FANCD2: variants seen among roughly 807,000 people sequenced by gnomAD.
FANCD2 encodes FA complementation group D2.
In FANCD2, 131 loss-of-function variants were observed where a neutral mutation model predicts 192.3. The ratio of observed to expected loss-of-function variants is 0.68; its 90% CI spans 0.59 to 0.79. The LOEUF (loss-of-function observed/expected upper bound fraction) is 0.79. FANCD2 is among the 30% of genes least tolerant of loss of function. FANCD2 has a pLI of 0.00. For synonymous variants in FANCD2, 524 were observed against 612.5 expected, an observed-to-expected ratio of 0.86 and a Z score of 2.13; for missense variants, 1,508 against 1,701.6, an observed-to-expected ratio of 0.89 and a Z score of 2.00.
In FANCD2 at chr3:10,043,189, T is replaced by A. The variant is rs778662654; in HGVS notation, c.989+39T>A. The A allele has an allele frequency of 3.3e-6, 5 of 1,498,322 alleles. No homozygotes were observed. The East Asian group carries it at 1.1e-4, about 34-fold the overall frequency. 92.8% of individuals were successfully genotyped at this position (1,498,322 alleles called of 1,614,324 possible). ...CCTCACACAGGATGTCACAATTTTC[T>A]GACATCCCACTGTCAGAGTTAGAGC... On this transcript the variant is annotated intron_variant, in intron 12 of 43. Coordinates refer to ENST00000675286, the MANE Select transcript of FANCD2 (RefSeq NM_001018115.3).
chr3:10,050,213 G>A (rs555994063), intron 17 of FANCD2, among the ~76,000 whole-genome samples: 11 of 152,338 alleles, frequency 7.2e-5, no homozygotes, highest in South Asian at 6.2e-4. Context: ...ATTGGAGACT[G>A]CTGAAATGGT....
rs149618265 is a variant in FANCD2 at position 10,034,421 on chromosome 3, A to C, written c.206-48A>C. 1.2e-3 allele frequency: 1,732 copies of C among 1,385,750 alleles called. 20 individuals are homozygous for C. The African/African-American group carries it at 0.018, about 14-fold the overall frequency. 85.8% of individuals were successfully genotyped at this position (1,385,750 alleles called of 1,614,324 possible). A position where few individuals can be genotyped will look rare whatever the true frequency, so the allele number is the denominator to read the frequency against. On this transcript the variant is annotated intron_variant, in intron 3 of 43. Transcript: ENST00000675286. Reference sequence around the variant, plus strand: ...AAGAAACTTGGGTTTTTAGAGAAGGAAAACTATGGTAGGAAACTGGTGACC... The same window carrying C: ...AAGAAACTTGGGTTTTTAGAGAAGGCAAACTATGGTAGGAAACTGGTGACC...
At chr3:10,033,698 CTTTTTT>C (rs34115008) in intron 3 of FANCD2, among the ~76,000 whole-genome samples, 1 of 89,372 alleles carries the variant, frequency 1.1e-5, no homozygotes, top group South Asian at 4.6e-4. Context: ...AAAGCTAAGT[CTTTTTT>C]TTTTTTTTTT....
rs1288356571 is a variant in FANCD2 at position 10,090,496 on chromosome 3, G to C, written c.3777+111G>C. On this transcript the variant is annotated intron_variant, in intron 37 of 43. Coordinates refer to ENST00000675286, the MANE Select transcript of FANCD2 (RefSeq NM_001018115.3). ...TCTGAGACAGAGTCTTGCTTGTTCT[G>C]TTGCCCAGACTGGAGTGCAGTGGCA... 1.3e-5 allele frequency: 9 copies of C among 671,710 alleles called. No individual in the cohort carries two copies. In the Admixed American group the frequency reaches 2.0e-4, roughly 15 times the overall value. The allele number at this position is 671,710 out of a possible 1,614,324, so 41.6% of individuals were successfully genotyped here.
At chr3:10,028,846 T>A in intron 2 of FANCD2, 125 bp downstream of exon 2, 1 of 871,024 alleles carries the variant, frequency 1.1e-6, no homozygotes, top group Non-Finnish European at 1.9e-6. Flanking sequence ...TGCACAGAAT[T>A]AAGGGAGAAA....
chr3:10,047,843 G>T, intron 15 of FANCD2, 74 bp from the exon 16 acceptor site: 2 of 1,585,298 alleles, frequency 1.3e-6, no homozygotes, highest in East Asian at 2.2e-5. Context: ...ATTCCAAAAG[G>T]ATAAGCAACT....
At chr3:10,031,792 C>G (rs372352409) in intron 2 of FANCD2, among the ~76,000 whole-genome samples, 28 of 152,232 alleles carry the variant, frequency 1.8e-4, no homozygotes, top group African/African-American at 6.7e-4. Context: ...AATTCGGATT[C>G]CTAGGTCCCA....
chr3:10,089,220 G>C (rs1694430049), intron 36 of FANCD2, among the ~76,000 whole-genome samples: 1 of 151,968 alleles, frequency 6.6e-6, no homozygotes, highest in African/African-American at 2.4e-5. Context: ...GGGAGGCGGA[G>C]GTTGCAGTGA....
At chr3:10,060,241 T>C (rs1304339058) in intron 18 of FANCD2, 53 bp from the exon 19 acceptor site, 3 of 1,273,070 alleles carry the variant, frequency 2.4e-6, no homozygotes, top group Non-Finnish European at 3.4e-6. Context: ...ATCCATACCT[T>C]CTTTTGCTGT....
In FANCD2 at chr3:10,047,783, A is replaced by C. The variant is rs2125002952; in HGVS notation, c.1279-134A>C. On this transcript the variant is annotated intron_variant, in intron 15 of 43. Coordinates refer to ENST00000675286, the MANE Select transcript of FANCD2 (RefSeq NM_001018115.3). ...GAAGGATTATTTTTGTGTAAAACAAAGATTAAGATTTCCTAAGTTAAAATG... is the reference window on the plus strand; with the variant it reads ...GAAGGATTATTTTTGTGTAAAACAACGATTAAGATTTCCTAAGTTAAAATG... 3 of 1,020,044 alleles carry C rather than the reference A, an allele frequency of 2.9e-6. No individual in the cohort carries two copies. The South Asian group carries it at 3.9e-5, about 13-fold the overall frequency. 63.2% of individuals were successfully genotyped at this position (1,020,044 alleles called of 1,614,324 possible). A position where few individuals can be genotyped will look rare whatever the true frequency, so the allele number is the denominator to read the frequency against.
At chr3:10,083,972 A>G (rs962088204) in intron 32 of FANCD2, among the ~76,000 whole-genome samples, 1 of 150,338 alleles carries the variant, frequency 6.7e-6, no homozygotes, top group African/African-American at 2.4e-5. Context: ...TTTACATAGT[A>G]TATTCTAAAC....
At chr3:10,097,398 C>CG (rs749194816) in intron 42 of FANCD2, among the ~76,000 whole-genome samples, 15 of 151,996 alleles carry the variant, frequency 9.9e-5, no homozygotes, top group African/African-American at 3.4e-4. Flanking sequence ...CAGGTACACC[C>CG]GGGGGGGCCC....
intron 9 of FANCD2, chr3:10,040,436 T>G (rs932579223): frequency 2.2e-6 from 1 of 454,024 alleles, no homozygotes; most frequent in Non-Finnish European, 4.4e-6. Flanking sequence ...CCATGATCCC[T>G]TAAGTTTCAT....
intron 18 of FANCD2, among the ~76,000 whole-genome samples, chr3:10,054,053 CAT>C (rs1374404961): frequency 1.3e-5 from 2 of 151,562 alleles, no homozygotes; most frequent in African/African-American, 4.9e-5. Context: ...TCTACAAAAA[CAT>C]AGAAAAATTA....
chr3:10,051,666 G>A (rs1216094898), intron 17 of FANCD2, among the ~76,000 whole-genome samples: 1 of 152,150 alleles, frequency 6.6e-6, no homozygotes, highest in Admixed American at 6.5e-5. Flanking sequence ...ATATTTTTTA[G>A]ATGAGGAGGT....
At chr3:10,042,984 G>T in intron 11 of FANCD2, 66 bp from the exon 12 acceptor site, 1 of 1,333,436 alleles carries the variant, frequency 7.5e-7, no homozygotes, top group Admixed American at 1.7e-5. Flanking sequence ...TCATGGTAGA[G>T]AGACTGGACT....
chr3:10,035,204 A>C lies in FANCD2; in HGVS notation c.409A>C (p.Lys137Gln). 2 of 1,613,966 alleles carry C rather than the reference A, an allele frequency of 1.2e-6. No homozygotes were observed. Among genetic ancestry groups the C allele is most frequent in the Non-Finnish European group, 1.7e-6 (2 of 1,179,928 alleles). The change falls in exon 6 of 44, where the codon AAA (lysine) becomes CAA (glutamine). Residue 137 changes from lysine to glutamine, a missense_variant. Lys to Gln is a moderately conservative substitution (Grantham distance 53, BLOSUM62 1). This residue lies in a region of FANCD2 where 435 missense variants were observed against 421.9 expected (regional missense o/e 1.03). Transcript: ENST00000675286. ...MGASYSKSLIKLLLGIDILQP... is the reference protein window; with the variant it reads ...MGASYSKSLIQLLLGIDILQP... The stretch of plus-strand genomic sequence containing the variant: ...TGCATCTTATTCTAAGAGTCTCATC[A>C]AACTGCTTCTGGGGATTGACATACT...
intron 7 of FANCD2, 23 bp from the exon 8 acceptor site, chr3:10,039,256 G>C (rs2086804298): frequency 1.3e-6 from 2 of 1,590,364 alleles, no homozygotes; most frequent in South Asian, 1.1e-5. Flanking sequence ...TCAGTTCCCT[G>C]TTTTCTCTTC....
chr3:10,048,206 G>A, intron 16 of FANCD2, 155 bp downstream of exon 16: 6 of 940,140 alleles, frequency 6.4e-6, no homozygotes, highest in African/African-American at 1.6e-5. Context: ...ATGAAAGGAA[G>A]AGACTTGACT....
Sources: gnomAD v4.1 joint callset for allele counts (sites outside exome capture counted in the v4.1 genomes callset) on GRCh38, gnomAD v4.1.1 for gene constraint, gnomAD v4.1.1 regional missense constraint, MANE v1.5 for transcripts, NCBI Gene and HGNC (gene_info 2026-07-23, HGNC 2026-07-21) for gene names.